Variants in MBP observed in about 807,000 individuals in gnomAD.
The protein encoded by MBP is myelin basic protein, also known as Golli-MBP.
Under a neutral mutation model 35.8 loss-of-function variants are expected in MBP, and 16 were observed. That is an observed-to-expected ratio of 0.45 (90% CI 0.30 to 0.68). The LOEUF is 0.68. Among genes scored for constraint, MBP ranks in the 30% least tolerant of loss-of-function variants. The pLI is 0.08. For missense variants in MBP, 380 were observed against 404.7 expected (o/e 0.94, Z 0.52); for synonymous variants, 143 against 159.6 (o/e 0.90, Z 0.78).
intron 4 of MBP, chr18:77,015,295 G>A: frequency 3.0e-6 from 3 of 985,276 alleles, no homozygotes; most frequent in Non-Finnish European, 3.6e-6. Context: ...GAAGTAAGCA[G>A]AATAGTTCAA....
chr18:77,131,085 GCA>G lies in MBP; in HGVS notation c.-26+1493_-26+1494del, dbSNP rs1156767144. 2.4e-3 allele frequency among the ~76,000 whole-genome samples: 126 copies of G among 53,370 alleles called. No individual in the cohort carries two copies. The highest frequency in any genetic ancestry group is 5.8e-3 in the African/African-American group (110 of 18,828). The allele number at this position is 53,370 out of a possible 152,430, so 35.0% of individuals were successfully genotyped here. A position where few individuals can be genotyped will look rare whatever the true frequency, so the allele number is the denominator to read the frequency against. On this transcript the variant is annotated intron_variant, in intron 1 of 8. Transcript: ENST00000355994. The surrounding 1 kb of genome is among the most constrained non-coding windows in gnomAD (Gnocchi z 5.5). ...AACACACACACGCGCGCACGCACGC[GCA>G]CACACACACACACACACACACACAC... is the stretch of plus-strand genomic sequence containing the variant.
At chr18:76,985,693 C>T (rs959550332) in intron 7 of MBP, 2 of 1,031,660 alleles carry the variant, frequency 1.9e-6, no homozygotes, top group Non-Finnish European at 2.3e-6. Context: ...TCCCCTAGCA[C>T]CTTTCTAGCT....
intron 2 of MBP, among the ~76,000 whole-genome samples, chr18:77,079,960 G>C (rs1012033811): frequency 1.3e-5 from 2 of 152,180 alleles, no homozygotes; most frequent in Non-Finnish European, 2.9e-5. Flanking sequence ...AGTGCAAGAA[G>C]CGAGAATCAA....
At chr18:77,108,441 G>A (rs537858395) in intron 1 of MBP, 4 of 152,330 alleles carry the variant, frequency 2.6e-5, no homozygotes, top group Non-Finnish European at 5.9e-5. Context: ...AGAGAGGGAG[G>A]AAGAACTGAG....
chr18:77,107,988 G>A (rs1365828691), intron 1 of MBP, among the ~76,000 whole-genome samples: 2 of 152,232 alleles, frequency 1.3e-5, no homozygotes, highest in Non-Finnish European at 2.9e-5. Flanking sequence ...AACTTGATGT[G>A]TGGGAGCCCC....
intron 3 of MBP, among the ~76,000 whole-genome samples, chr18:77,055,532 CTTCCCTTTCT>C (rs1300294223): frequency 6.6e-6 from 1 of 151,932 alleles, no homozygotes; most frequent in Non-Finnish European, 1.5e-5. Flanking sequence ...CCTTCCATTC[CTTCCCTTTCT>C]TTCCCTTTCT....
chr18:77,011,270 C>T (rs934418338), intron 4 of MBP, among the ~76,000 whole-genome samples: 8 of 152,282 alleles, frequency 5.3e-5, no homozygotes, highest in Admixed American at 3.3e-4. Context: ...GATAAGCCTG[C>T]GGGAGTTGCT....
chr18:77,008,881 C>A (rs1424583481), intron 4 of MBP, among the ~76,000 whole-genome samples: 1 of 152,252 alleles, frequency 6.6e-6, no homozygotes, highest in Non-Finnish European at 1.5e-5. Flanking sequence ...CGTCCTGTCC[C>A]CCGTGCTCCT....
intron 2 of MBP, among the ~76,000 whole-genome samples, chr18:77,081,395 A>T (rs902861037): frequency 2.0e-5 from 3 of 152,242 alleles, no homozygotes; most frequent in African/African-American, 7.2e-5. Context: ...TGGGGAAAAA[A>T]TTTGAATAGA....
At chr18:76,985,471 G>A (rs1412429615) in intron 7 of MBP, 92 of 1,186,904 alleles carry the variant, frequency 7.8e-5, no homozygotes, top group Non-Finnish European at 9.6e-5. Context: ...AAAATGTCGA[G>A]CCTCGTATCT....
At chr18:77,025,825 C>T (rs1337000617) in intron 3 of MBP, among the ~76,000 whole-genome samples, 1 of 149,180 alleles carries the variant, frequency 6.7e-6, no homozygotes, top group Non-Finnish European at 1.5e-5. Context: ...AGACAAACAT[C>T]TGGGTTCCCA....
chr18:77,007,665 C>G (rs1461396342), intron 4 of MBP, among the ~76,000 whole-genome samples: 3 of 152,204 alleles, frequency 2.0e-5, no homozygotes, highest in Non-Finnish European at 4.4e-5. Context: ...CGCACACACA[C>G]CCCTACTGCT....
chr18:77,079,394 T>C (rs1413487178), intron 2 of MBP, among the ~76,000 whole-genome samples: 1 of 152,184 alleles, frequency 6.6e-6, no homozygotes, highest in Non-Finnish European at 1.5e-5. Flanking sequence ...ACATGTAGGT[T>C]TGGAGATAAA....
Position 76,988,684 on chromosome 18 carries a change from G to T in MBP, c.718-157C>A. On this transcript the variant is annotated intron_variant, in intron 6 of 8. Transcript: ENST00000355994. This position sits in a 1 kb window ranked among gnomAD's most constrained non-coding sequence, Gnocchi z 5.2. Reference sequence around the variant, plus strand: ...GGGGCCGCAGGCTCAGGGCCACAGCGGCTGTGCAGGTGCGGGAGGGACAGG... The same window carrying T: ...GGGGCCGCAGGCTCAGGGCCACAGCTGCTGTGCAGGTGCGGGAGGGACAGG... The T allele has an allele frequency of 7.0e-7, 1 of 1,426,268 alleles. No individual in the cohort carries two copies. Among genetic ancestry groups the T allele is most frequent in the Non-Finnish European group, 9.4e-7 (1 of 1,059,258 alleles). 88.4% of individuals were successfully genotyped at this position (1,426,268 alleles called of 1,614,324 possible).
At chr18:77,008,928 G>A (rs978611823) in intron 4 of MBP, among the ~76,000 whole-genome samples, 8 of 152,196 alleles carry the variant, frequency 5.3e-5, no homozygotes, top group Admixed American at 1.3e-4. Context: ...CCCCCTTGCC[G>A]GCCTCTGAAG....
chr18:77,092,116 G>A (rs948880), intron 2 of MBP, among the ~76,000 whole-genome samples: 3 of 152,192 alleles, frequency 2.0e-5, no homozygotes, highest in African/African-American at 7.2e-5. Flanking sequence ...ACGAAAGGGC[G>A]TGCTTTCCAC....
At chr18:76,985,415 G>A (rs959264550) in intron 7 of MBP, 19 of 1,213,918 alleles carry the variant, frequency 1.6e-5, no homozygotes, top group Non-Finnish European at 6.3e-6. Flanking sequence ...CATGTGCCCT[G>A]TGGTTCTAGG....
At chr18:77,100,428 C>A (rs766966377) in intron 2 of MBP, among the ~76,000 whole-genome samples, 37 of 152,076 alleles carry the variant, frequency 2.4e-4, no homozygotes, top group Non-Finnish European at 3.5e-4. Flanking sequence ...ATACAACATA[C>A]AATGTAGACA....
chr18:77,133,047 T>G (rs992728555), upstream of MBP, among the ~76,000 whole-genome samples: 3 of 151,776 alleles, frequency 2.0e-5, no homozygotes, highest in Non-Finnish European at 2.9e-5. Flanking sequence ...GGCTCCGAAC[T>G]GCGGCCCGTC....
Sources: allele counts gnomAD v4.1 joint callset (sites outside exome capture counted in the v4.1 genomes callset), GRCh38; gene constraint gnomAD v4.1.1; non-coding constraint Gnocchi (gnomAD v3.1); transcripts MANE v1.5; gene names NCBI Gene and HGNC (gene_info 2026-07-23, HGNC 2026-07-21).